Variants in LRRC8C observed in about 807,000 individuals in gnomAD.
The protein encoded by LRRC8C is leucine rich repeat containing 8 VRAC subunit C, also known as volume-regulated anion channel subunit LRRC8C.
In LRRC8C, 20 loss-of-function variants were observed where a neutral mutation model predicts 55.3. The ratio of observed to expected loss-of-function variants is 0.36; its 90% CI spans 0.25 to 0.53. LRRC8C has a LOEUF of 0.53. Among genes scored for constraint, LRRC8C ranks in the 20% least tolerant of loss-of-function variants. The probability of loss-of-function intolerance (pLI) is 0.92; values close to 1 mark genes in which losing one functional copy is unlikely to be tolerated. For missense variants in LRRC8C, 659 were observed against 951.4 expected (o/e 0.69, Z 4.04); for synonymous variants, 376 against 360.7 (o/e 1.04, Z -0.48).
intron 1 of LRRC8C, among the ~76,000 whole-genome samples, chr1:89,637,027 C>T (rs1656307739): frequency 6.6e-6 from 1 of 152,092 alleles, no homozygotes; most frequent in Admixed American, 6.5e-5. Context: ...TTGTTGGTGG[C>T]ACCTTCTTTG....
At position 89,713,158 on chromosome 1, in the gene LRRC8C, C is replaced by A. The variant is rs773087247; in HGVS notation, c.588C>A (p.Ser196=). Residue 196 remains serine, a synonymous_variant, in exon 3 of 3, where the codon TCC becomes TCA. Coordinates refer to ENST00000370454, the MANE Select transcript of LRRC8C (RefSeq NM_032270.5). The surrounding 1 kb of genome is among the most constrained non-coding windows in gnomAD (Gnocchi z 5.2). Reference sequence around the variant, plus strand: ...ACAGGAAGAACAACATGAACAGGTCCAACACCATCCAATCTGGTCCAGAAG... The same window carrying A: ...ACAGGAAGAACAACATGAACAGGTCAAACACCATCCAATCTGGTCCAGAAG... ...KDNRKNNMNR[S]NTIQSGPEDS... is the part of the protein sequence containing the mutation. 11 of 1,614,036 alleles carry A rather than the reference C, an allele frequency of 6.8e-6. No individual in the cohort carries two copies. Among genetic ancestry groups the A allele is most frequent in the Non-Finnish European group, 8.5e-6 (10 of 1,180,036 alleles).
chr1:89,636,121 C>T (rs1194545397), intron 1 of LRRC8C, among the ~76,000 whole-genome samples: 8 of 152,112 alleles, frequency 5.3e-5, no homozygotes, highest in African/African-American at 1.9e-4. Context: ...TTCTTTGAAC[C>T]CTGGTTTCCT....
intron 1 of LRRC8C, among the ~76,000 whole-genome samples, chr1:89,635,846 C>T (rs1393986451): frequency 1.3e-5 from 2 of 152,212 alleles, no homozygotes; most frequent in African/African-American, 4.8e-5. Context: ...ATGATGGTCT[C>T]ATGGGCTGTA....
intron 2 of LRRC8C, among the ~76,000 whole-genome samples, chr1:89,690,804 C>T (rs1371357010): frequency 2.0e-5 from 3 of 152,124 alleles, no homozygotes; most frequent in Non-Finnish European, 4.4e-5. Context: ...GCTGACCAGC[C>T]TTCTCAGCAC....
chr1:89,620,226 A>G, the LRRC8C span, among the ~76,000 whole-genome samples: 1 of 152,240 alleles, frequency 6.6e-6, no homozygotes, highest in South Asian at 2.1e-4. Context: ...GATGCTGGAA[A>G]TCTCATAGCC....
intron 1 of LRRC8C, among the ~76,000 whole-genome samples, chr1:89,639,833 G>A (rs975925875): frequency 1.3e-5 from 2 of 152,078 alleles, no homozygotes; most frequent in Non-Finnish European, 2.9e-5. Flanking sequence ...TACTATTTTA[G>A]ATTCTGATGA....
At chr1:89,705,886 A>G (rs1332003282) in intron 2 of LRRC8C, among the ~76,000 whole-genome samples, 1 of 152,128 alleles carries the variant, frequency 6.6e-6, no homozygotes, top group Non-Finnish European at 1.5e-5. Context: ...ATGTGAGAAA[A>G]CTGTAAAACA....
At chr1:89,645,416 AGAGGAAAAAATG>A (rs1254787203) in intron 1 of LRRC8C, among the ~76,000 whole-genome samples, 1 of 152,156 alleles carries the variant, frequency 6.6e-6, no homozygotes, top group Non-Finnish European at 1.5e-5. Context: ...GAAAGAGAAG[AGAGGAAAAAATG>A]GAGGAAAAAA....
At position 89,713,938 on chromosome 1, in the gene LRRC8C, C is replaced by G. The variant is rs753858417; in HGVS notation, c.1368C>G (p.Asn456Lys). The stretch of plus-strand genomic sequence containing the variant: ...CTCTAAAACTTGAAATCATTAAGAA[C>G]GTAATGATACCAGCCACCATTGCAC... ...LQSLKLEIIKNVMIPATIAQL... is the reference protein window; with the variant it reads ...LQSLKLEIIKKVMIPATIAQL... The change falls in exon 3 of 3, where the codon AAC becomes AAG. Residue 456 changes from asparagine to lysine, a missense_variant. Transcript: ENST00000370454. This position sits in a 1 kb window ranked among gnomAD's most constrained non-coding sequence, Gnocchi z 5.2. The G allele has an allele frequency of 6.2e-7, 1 of 1,613,808 alleles. No individual in the cohort carries two copies. Among genetic ancestry groups the G allele is most frequent in the Non-Finnish European group, 8.5e-7 (1 of 1,179,976 alleles).
chr1:89,620,679 T>A, the LRRC8C span, among the ~76,000 whole-genome samples: 1 of 152,072 alleles, frequency 6.6e-6, no homozygotes, highest in Non-Finnish European at 1.5e-5. Context: ...TAAATCCAGG[T>A]AAATTCAAAT....
chr1:89,673,254 C>A (rs766728586), intron 1 of LRRC8C, among the ~76,000 whole-genome samples: 4 of 152,130 alleles, frequency 2.6e-5, no homozygotes, highest in Non-Finnish European at 4.4e-5. Flanking sequence ...TTCAAGCACC[C>A]GCAATCCGCC....
rs140914343 is a variant in LRRC8C, at chr1:89,714,093, C to T, written c.1523C>T (p.Pro508Leu). The T allele has an allele frequency of 1.0e-4, 167 of 1,614,068 alleles. No homozygotes were observed. In the African/African-American group the frequency reaches 1.7e-3, roughly 16 times the overall value. Residue 508 changes from proline to leucine, a missense_variant, in exon 3 of 3, where the codon CCC becomes CTC. By Grantham distance (98) the Pro-to-Leu change is moderately conservative. Transcript: ENST00000370454. The surrounding 1 kb of genome is among the most constrained non-coding windows in gnomAD (Gnocchi z 4.6). Reference sequence around the variant, plus strand: ...TTTGATGACATGAGGGAACTCCCCCCCTGGATGTATGGGCTCCGAAATCTG... The same window carrying T: ...TTTGATGACATGAGGGAACTCCCCCTCTGGATGTATGGGCTCCGAAATCTG... Reference protein sequence around the residue: ...VKFDDMRELPPWMYGLRNLEE... With the variant: ...VKFDDMRELPLWMYGLRNLEE...
chr1:89,685,841 T>C (rs752412608), intron 1 of LRRC8C, among the ~76,000 whole-genome samples: 9 of 151,876 alleles, frequency 5.9e-5, no homozygotes, highest in Non-Finnish European at 8.8e-5. Flanking sequence ...AAAATCAAGA[T>C]ACAAGCATAG....
intron 1 of LRRC8C, among the ~76,000 whole-genome samples, chr1:89,665,571 A>G (rs560907267): frequency 2.0e-5 from 3 of 152,338 alleles, no homozygotes; most frequent in Non-Finnish European, 4.4e-5. Context: ...ATTTTTGCGC[A>G]GCTATAAAAT....
At chr1:89,637,827 G>A (rs532230798) in intron 1 of LRRC8C, among the ~76,000 whole-genome samples, 7 of 152,258 alleles carry the variant, frequency 4.6e-5, no homozygotes, top group Non-Finnish European at 8.8e-5. Flanking sequence ...CAAAACCTTA[G>A]ACTCTCTACT....
At chr1:89,699,803 G>T (rs1168527980) in intron 2 of LRRC8C, among the ~76,000 whole-genome samples, 2 of 152,172 alleles carry the variant, frequency 1.3e-5, no homozygotes, top group African/African-American at 4.8e-5. Flanking sequence ...TGCTAAGAAT[G>T]AAAGCATTTA....
chr1:89,638,967 ATTATTTTATTTTATT>A (rs11270989), intron 1 of LRRC8C, among the ~76,000 whole-genome samples: 3 of 137,864 alleles, frequency 2.2e-5, no homozygotes, highest in East Asian at 2.3e-4. Flanking sequence ...TATTTTACTT[ATTATTTTATTTTATT>A]TTATTTTATT....
chr1:89,663,351 A>G (rs1657167782), intron 1 of LRRC8C, among the ~76,000 whole-genome samples: 1 of 152,004 alleles, frequency 6.6e-6, no homozygotes, highest in South Asian at 2.1e-4. Flanking sequence ...CGGGCGGATC[A>G]TGAGGTCAGG....
At chr1:89,627,318 A>C in the LRRC8C span, among the ~76,000 whole-genome samples, 1 of 151,572 alleles carries the variant, frequency 6.6e-6, no homozygotes, top group East Asian at 1.9e-4. Flanking sequence ...AATATTTCTC[A>C]TGTGAAAGTT....
Sources: allele counts gnomAD v4.1 joint callset (sites outside exome capture counted in the v4.1 genomes callset), GRCh38; gene constraint gnomAD v4.1.1; non-coding constraint Gnocchi (gnomAD v3.1); transcripts MANE v1.5; gene names NCBI Gene and HGNC (gene_info 2026-07-23, HGNC 2026-07-21).